The following OSBPL9 variants were observed in gnomAD, a reference collection of about 807,000 sequenced individuals.
The protein encoded by OSBPL9 is oxysterol-binding protein-related protein 9.
Under a neutral mutation model 106.6 loss-of-function variants are expected in OSBPL9, and 40 were observed. The observed-to-expected ratio is 0.38, with a 90% confidence interval of 0.29 to 0.49. The LOEUF is 0.49. OSBPL9 is among the 20% of genes least tolerant of loss of function. The pLI, the probability that OSBPL9 is intolerant of heterozygous loss-of-function variation, is 0.97. For missense variants in OSBPL9, 609 were observed against 887.2 expected, an observed-to-expected ratio of 0.69 and a Z score of 3.98; for synonymous variants, 269 against 295.4, an observed-to-expected ratio of 0.91 and a Z score of 0.92.
intron 4 of OSBPL9, among the ~76,000 whole-genome samples, chr1:51,741,924 G>A (rs568783990): frequency 1.3e-5 from 2 of 152,192 alleles, no homozygotes; most frequent in African/African-American, 4.8e-5. Context: ...CCAATAATGC[G>A]ACATAATCCC....
intron 4 of OSBPL9, among the ~76,000 whole-genome samples, chr1:51,741,320 G>A (rs538931457): frequency 3.5e-4 from 53 of 152,158 alleles, no homozygotes; most frequent in African/African-American, 1.3e-3. Flanking sequence ...TGATATAGAA[G>A]TATGTGTTAT....
Position 51,729,785 on chromosome 1 carries a change from C to G in OSBPL9, c.318+15706C>G. The G allele has an allele frequency of 8.3e-7, 1 of 1,208,092 alleles. No homozygotes were observed. Among genetic ancestry groups the G allele is most frequent in the Non-Finnish European group, 1.0e-6 (1 of 966,998 alleles). 74.8% of individuals were successfully genotyped at this position (1,208,092 alleles called of 1,614,324 possible). On this transcript the variant is annotated intron_variant, in intron 4 of 23. Transcript: ENST00000428468. This position sits in a 1 kb window ranked among gnomAD's most constrained non-coding sequence, Gnocchi z 5.1. ...CAGCCAATCGGGGCGACCCCTCCGCCGGGGAGGGGACGGGAAAGGGGTGGG... is the reference window on the plus strand; with the variant it reads ...CAGCCAATCGGGGCGACCCCTCCGCGGGGGAGGGGACGGGAAAGGGGTGGG...
intron 2 of OSBPL9, among the ~76,000 whole-genome samples, chr1:51,605,424 C>CA (rs1299687138): frequency 6.6e-6 from 1 of 151,636 alleles, no homozygotes; most frequent in East Asian, 1.9e-4. Context: ...GACCCCATTC[C>CA]AAAAAACAAG....
At chr1:51,531,851 T>G in the OSBPL9 span, among the ~76,000 whole-genome samples, 3 of 152,110 alleles carry the variant, frequency 2.0e-5, no homozygotes, top group African/African-American at 7.2e-5. Flanking sequence ...CCTGGGCCAC[T>G]CCAATGTTAG....
chr1:51,573,508 CAAAAAAA>C (rs961323006), upstream of OSBPL9, among the ~76,000 whole-genome samples: 4 of 25,062 alleles, frequency 1.6e-4, no homozygotes, highest in African/African-American at 6.2e-4. Flanking sequence ...AACTCCATCT[CAAAAAAA>C]AAAAAAAAAA....
chr1:51,706,747 G>A (rs1162920707), intron 3 of OSBPL9, among the ~76,000 whole-genome samples: 1 of 151,030 alleles, frequency 6.6e-6, no homozygotes, highest in East Asian at 1.9e-4. Flanking sequence ...TACTTTAACT[G>A]TATCCAATGA....
intron 3 of OSBPL9, among the ~76,000 whole-genome samples, chr1:51,693,928 T>C (rs1182780045): frequency 2.6e-5 from 4 of 152,194 alleles, no homozygotes; most frequent in African/African-American, 9.7e-5. Flanking sequence ...CACTAAAATG[T>C]GCAAGGCATT....
rs567886225 is a variant in OSBPL9, at chr1:51,691,318, C to T, written c.241+21806C>T. Among the ~76,000 whole-genome samples the T allele has an allele frequency of 8.3e-3, 1,042 of 125,556 alleles. 7 individuals are homozygous for T. The highest frequency in any genetic ancestry group is 0.012 in the Non-Finnish European group (737 of 63,496). 82.4% of individuals were successfully genotyped at this position (125,556 alleles called of 152,430 possible). ...TTTTTGAGATGGAGTCTCACTCTGT[C>T]GCCCAGGCTGGAGTGTGGTGGCATG... is the stretch of plus-strand genomic sequence containing the variant. On this transcript the variant is annotated intron_variant, in intron 3 of 23. Transcript: ENST00000428468.
At chr1:51,554,460 G>A in the OSBPL9 span, among the ~76,000 whole-genome samples, 1 of 152,202 alleles carries the variant, frequency 6.6e-6, no homozygotes, top group Admixed American at 6.5e-5. Context: ...GTCAAAGGCT[G>A]CGGATGACTT....
At chr1:51,681,736 A>G (rs1652603110) in intron 3 of OSBPL9, among the ~76,000 whole-genome samples, 2 of 151,858 alleles carry the variant, frequency 1.3e-5, no homozygotes. Context: ...CCCCACCCCC[A>G]GTACCAAAAT....
rs1352048546 is a variant in OSBPL9 at position 51,788,550 on chromosome 1, A to G, written c.*761A>G. 1 of 152,416 alleles carries G rather than the reference A, an allele frequency of 6.6e-6. No homozygotes were observed. Among genetic ancestry groups the G allele is most frequent in the Non-Finnish European group, 1.5e-5 (1 of 68,032 alleles). 9.4% of individuals were successfully genotyped at this position (152,416 alleles called of 1,614,324 possible). On this transcript the variant is annotated 3_prime_UTR_variant, in exon 24 of 24. Coordinates refer to ENST00000428468, the MANE Select transcript of OSBPL9 (RefSeq NM_024586.6). ...CTTGAATACAAGAGCTAGCTTTTCA[A>G]AGAAAGACACTTGAAATAATGGAGG...
chr1:51,566,887 G>C, the OSBPL9 span, among the ~76,000 whole-genome samples: 2 of 152,176 alleles, frequency 1.3e-5, no homozygotes, highest in South Asian at 2.1e-4. Context: ...GCCTGCCCCA[G>C]AGGAGGATCT....
intron 4 of OSBPL9, among the ~76,000 whole-genome samples, chr1:51,718,721 G>C (rs1306389437): frequency 6.6e-6 from 1 of 152,158 alleles, no homozygotes; most frequent in Non-Finnish European, 1.5e-5. Context: ...CTTCTTGTTG[G>C]TTTCCAATTG....
At chr1:51,610,465 G>A (rs1266065567) in intron 2 of OSBPL9, among the ~76,000 whole-genome samples, 3 of 152,112 alleles carry the variant, frequency 2.0e-5, no homozygotes, top group African/African-American at 7.2e-5. Context: ...TCACCTTGTT[G>A]GCCAGGCTGG....
the OSBPL9 span, among the ~76,000 whole-genome samples, chr1:51,542,606 A>G: frequency 6.6e-6 from 1 of 152,226 alleles, no homozygotes; most frequent in African/African-American, 2.4e-5. Context: ...AATTTATGGA[A>G]TAATTACCAT....
At chr1:51,725,683 G>A (rs1273546201) in intron 4 of OSBPL9, among the ~76,000 whole-genome samples, 4 of 152,120 alleles carry the variant, frequency 2.6e-5, no homozygotes, top group Non-Finnish European at 4.4e-5. Flanking sequence ...GACTGAAGTT[G>A]GGTATATATT....
At chr1:51,727,059 A>C (rs1434743660) in intron 4 of OSBPL9, among the ~76,000 whole-genome samples, 1 of 151,998 alleles carries the variant, frequency 6.6e-6, no homozygotes, top group East Asian at 1.9e-4. Flanking sequence ...TAATTGTAAC[A>C]TAGAGTAAAT....
intron 2 of OSBPL9, among the ~76,000 whole-genome samples, chr1:51,604,747 G>A (rs1256527943): frequency 6.6e-6 from 1 of 151,776 alleles, no homozygotes; most frequent in African/African-American, 2.4e-5. Context: ...TCGGCCTCCC[G>A]GGTCCAAGTG....
Position 51,784,340 on chromosome 1 carries a change from A to G in OSBPL9, c.1688+13A>G, listed in dbSNP as rs1177687963. 4 of 1,612,244 alleles carry G rather than the reference A, an allele frequency of 2.5e-6. No individual in the cohort carries two copies. Among genetic ancestry groups the G allele is most frequent in the Middle Eastern group, 1.7e-4 (1 of 6,060 alleles). ...ATGGCTATGGAAGGCAAGTGTGTCC[A>G]TTTCCTCTGATCAGCAGTAGACTCT... On this transcript the variant is annotated intron_variant, in intron 19 of 23. Transcript: ENST00000428468.
Sources: allele counts gnomAD v4.1 joint callset (sites outside exome capture counted in the v4.1 genomes callset), GRCh38; gene constraint gnomAD v4.1.1; non-coding constraint Gnocchi (gnomAD v3.1); transcripts MANE v1.5; gene names NCBI Gene and HGNC (gene_info 2026-07-23, HGNC 2026-07-21).